The following CCDC172 variants were observed in gnomAD, a reference collection of about 807,000 sequenced individuals.
CCDC172 encodes coiled-coil domain-containing protein 172.
CCDC172 carries 30 observed loss-of-function variants against 38.0 expected under a neutral mutation model. The ratio of observed to expected loss-of-function variants is 0.79; its 90% CI spans 0.59 to 1.07. The LOEUF (loss-of-function observed/expected upper bound fraction) is 1.07, where lower values mean the gene tolerates loss of function less well. Among genes scored for constraint, CCDC172 ranks in the 50% least tolerant of loss-of-function variants. The pLI, the probability that CCDC172 is intolerant of heterozygous loss-of-function variation, is 0.00. For synonymous variants in CCDC172, 78 were observed against 88.3 expected (o/e 0.88, Z 0.66); for missense variants, 297 against 290.1 (o/e 1.02, Z -0.17).
intron 7 of CCDC172, among the ~76,000 whole-genome samples, chr10:116,363,037 A>G (rs927132722): frequency 3.3e-5 from 5 of 152,226 alleles, no homozygotes; most frequent in African/African-American, 1.2e-4. Context: ...AAATTGTGAA[A>G]TAATTTTATT....
intron 5 of CCDC172, 93 bp from the exon 6 acceptor site, chr10:116,357,287 T>C (rs541333087): frequency 1.4e-6 from 1 of 707,204 alleles, no homozygotes; most frequent in East Asian, 3.2e-5. Context: ...CTTTCATCTG[T>C]GTTTTATAGT....
At chr10:116,344,492 C>G (rs1177301520) in intron 5 of CCDC172, among the ~76,000 whole-genome samples, 1 of 152,066 alleles carries the variant, frequency 6.6e-6, no homozygotes, top group East Asian at 1.9e-4. Flanking sequence ...TTAAAAATCT[C>G]TATAGGGCAC....
Position 116,342,182 on chromosome 10 carries a change from A to G in CCDC172, c.429A>G (p.Gln143=). The change falls in exon 5 of 9, where the codon CAA becomes CAG. Residue 143 remains glutamine (Q), a synonymous_variant. Coordinates refer to ENST00000333254, the MANE Select transcript of CCDC172 (RefSeq NM_198515.3). ...VKIEISDLEN[Q]ANMLKSEMKS... ...TTGAAATATCTGACTTAGAAAACCA[A>G]GCAAACATGTTGAAAAGTGGTATGA... is the stretch of plus-strand genomic sequence containing the variant. 1 of 1,532,100 alleles carries G rather than the reference A, an allele frequency of 6.5e-7. No homozygotes were observed. Among genetic ancestry groups the G allele is most frequent in the Non-Finnish European group, 8.7e-7 (1 of 1,150,766 alleles). 94.9% of individuals were successfully genotyped at this position (1,532,100 alleles called of 1,614,324 possible). A position where few individuals can be genotyped will look rare whatever the true frequency, so the allele number is the denominator to read the frequency against.
At chr10:116,360,023 T>G (rs998739981) in intron 7 of CCDC172, among the ~76,000 whole-genome samples, 2 of 152,220 alleles carry the variant, frequency 1.3e-5, no homozygotes, top group African/African-American at 2.4e-5. Flanking sequence ...TAATAGTCTC[T>G]GCTTTAAATA....
At chr10:116,372,793 C>A (rs924836723) in intron 7 of CCDC172, among the ~76,000 whole-genome samples, 2 of 152,022 alleles carry the variant, frequency 1.3e-5, no homozygotes, top group Non-Finnish European at 2.9e-5. Context: ...AGAAAAGACA[C>A]AAAGACATTA....
At chr10:116,343,217 G>C (rs951975231) in intron 5 of CCDC172, among the ~76,000 whole-genome samples, 3 of 152,106 alleles carry the variant, frequency 2.0e-5, no homozygotes, top group Non-Finnish European at 4.4e-5. Context: ...CTTGGATGTA[G>C]TTGCTTATGT....
chr10:116,358,126 T>A (rs1458641246), intron 7 of CCDC172, among the ~76,000 whole-genome samples, 188 bp downstream of exon 7: 2 of 152,086 alleles, frequency 1.3e-5, no homozygotes, highest in African/African-American at 4.8e-5. Context: ...TACACATAAG[T>A]TCATGATGCG....
At chr10:116,375,646 T>C (rs2134973512) in intron 7 of CCDC172, among the ~76,000 whole-genome samples, 1 of 152,186 alleles carries the variant, frequency 6.6e-6, no homozygotes, top group Non-Finnish European at 1.5e-5. Context: ...GACAAAGGTC[T>C]AATATGCAGA....
chr10:116,370,974 T>C, intron 7 of CCDC172, among the ~76,000 whole-genome samples: 1 of 151,852 alleles, frequency 6.6e-6, no homozygotes, highest in East Asian at 1.9e-4. Flanking sequence ...TCAGTTATAT[T>C]GTCATATTAC....
chr10:116,325,433 C>T, intron 3 of CCDC172, 45 bp downstream of exon 3: 1 of 1,478,380 alleles, frequency 6.8e-7, no homozygotes, highest in Non-Finnish European at 9.3e-7. Context: ...AAAAAGCCTG[C>T]CTTAACTTGA....
chr10:116,347,110 GAT>G (rs35030483), intron 5 of CCDC172, among the ~76,000 whole-genome samples: 49,295 of 151,936 alleles, frequency 0.32, 9,250 homozygotes, highest in Non-Finnish European at 0.43. Context: ...AGAGCTCAGA[GAT>G]AGTTCTGGGC....
At chr10:116,363,622 T>C (rs1845089052) in intron 7 of CCDC172, among the ~76,000 whole-genome samples, 1 of 152,096 alleles carries the variant, frequency 6.6e-6, no homozygotes, top group Admixed American at 6.6e-5. Context: ...AAGGACAAGA[T>C]TAATAAATTT....
intron 3 of CCDC172, among the ~76,000 whole-genome samples, chr10:116,327,545 A>T (rs1020059332): frequency 4.6e-5 from 7 of 152,082 alleles, no homozygotes; most frequent in Non-Finnish European, 1.0e-4. Context: ...AAAAATGTTG[A>T]TTCAGTTGTT....
chr10:116,334,100 A>C (rs1184138512), intron 3 of CCDC172, among the ~76,000 whole-genome samples: 1 of 152,166 alleles, frequency 6.6e-6, no homozygotes, highest in Non-Finnish European at 1.5e-5. Context: ...CTCCCAAGAG[A>C]GATAGAGGAA....
intron 7 of CCDC172, among the ~76,000 whole-genome samples, chr10:116,377,907 G>A (rs573066739): frequency 9.9e-5 from 15 of 152,220 alleles, no homozygotes; most frequent in South Asian, 4.1e-4. Context: ...TCAGCTGGGC[G>A]TGGTGGCTAA....
intron 7 of CCDC172, among the ~76,000 whole-genome samples, chr10:116,377,400 TG>T (rs1359934676): frequency 6.6e-6 from 1 of 152,168 alleles, no homozygotes; most frequent in Non-Finnish European, 1.5e-5. Context: ...TCATTTCAAA[TG>T]ACAGTCTCTC....
At chr10:116,334,328 T>C (rs57923242) in intron 3 of CCDC172, among the ~76,000 whole-genome samples, 12,658 of 152,228 alleles carry the variant, frequency 0.083, 693 homozygotes, top group East Asian at 0.22. Context: ...ATTAAGATAG[T>C]TTGATTGTTT....
At chr10:116,370,922 TTTA>T (rs1490014526) in intron 7 of CCDC172, among the ~76,000 whole-genome samples, 25 of 151,796 alleles carry the variant, frequency 1.6e-4, no homozygotes, top group African/African-American at 2.2e-4. Flanking sequence ...ACTAAATTAT[TTTA>T]TTATTTGAAT....
At chr10:116,360,400 C>T (rs1028516861) in intron 7 of CCDC172, among the ~76,000 whole-genome samples, 2 of 152,080 alleles carry the variant, frequency 1.3e-5, no homozygotes, top group African/African-American at 4.8e-5. Flanking sequence ...TATTTGTTCC[C>T]GTAATTGAGT....
Sources: allele counts gnomAD v4.1 joint callset (sites outside exome capture counted in the v4.1 genomes callset), GRCh38; gene constraint gnomAD v4.1.1; transcripts MANE v1.5; gene names NCBI Gene and HGNC (gene_info 2026-07-23, HGNC 2026-07-21).